Variants in ORC5 observed in about 807,000 individuals in gnomAD.
ORC5 encodes protein phosphatase 1, regulatory subunit 117.
Under a neutral mutation model 58.8 loss-of-function variants are expected in ORC5, and 39 were observed. The observed-to-expected ratio is 0.66, with a 90% CI of 0.51 to 0.87. The LOEUF is 0.87. Among genes scored for constraint, ORC5 ranks in the 40% least tolerant of loss-of-function variants. The pLI is 0.00. For missense variants in ORC5, 493 were observed against 506.3 expected, an observed-to-expected ratio of 0.97 and a Z score of 0.25; for synonymous variants, 218 against 177.6, an observed-to-expected ratio of 1.23 and a Z score of -1.81.
intron 11 of ORC5, among the ~76,000 whole-genome samples, chr7:104,164,474 G>C (rs1481128634): frequency 6.6e-6 from 1 of 152,188 alleles, no homozygotes; most frequent in Non-Finnish European, 1.5e-5. Flanking sequence ...TATTGTAGGA[G>C]TTCAAGAACA....
rs561084708 is a variant in ORC5 at position 104,126,939 on chromosome 7, T to C, written c.1263-46A>G. 25 of 1,358,640 alleles carry C rather than the reference T, an allele frequency of 1.8e-5. No homozygotes were observed. In the East Asian group the frequency reaches 4.0e-4, roughly 22 times the overall value. The allele number at this position is 1,358,640 out of a possible 1,614,324, so 84.2% of individuals were successfully genotyped here. A position where few individuals can be genotyped will look rare whatever the true frequency, so the allele number is the denominator to read the frequency against. On this transcript the variant is annotated intron_variant, in intron 13 of 13. Coordinates refer to ENST00000297431, the MANE Select transcript of ORC5 (RefSeq NM_002553.4). ...TATGTTAGCATTCTCACCCCTAGAT[T>C]GCTCAGCTTTGTATGATTCTGGAAA...
At chr7:104,189,354 T>A (rs1040708767) in intron 5 of ORC5, among the ~76,000 whole-genome samples, 3 of 152,030 alleles carry the variant, frequency 2.0e-5, no homozygotes, top group Non-Finnish European at 2.9e-5. Context: ...ACCAACAGCT[T>A]TCGTGAGAAC....
At chr7:104,163,771 G>GT (rs1259075047) in intron 11 of ORC5, among the ~76,000 whole-genome samples, 3 of 152,210 alleles carry the variant, frequency 2.0e-5, no homozygotes, top group Non-Finnish European at 2.9e-5. Flanking sequence ...GACTACAGGT[G>GT]TGAGGCACCC....
intron 8 of ORC5, among the ~76,000 whole-genome samples, chr7:104,175,112 T>C (rs1799296130): frequency 6.6e-6 from 1 of 152,226 alleles, no homozygotes; most frequent in South Asian, 2.1e-4. Flanking sequence ...AAAACTTGCC[T>C]GTCTCTCCTT....
At chr7:104,173,891 C>CT (rs1303239645) in intron 8 of ORC5, among the ~76,000 whole-genome samples, 2 of 136,078 alleles carry the variant, frequency 1.5e-5, no homozygotes, top group Non-Finnish European at 3.1e-5. Context: ...GTCGCCCAGG[C>CT]TGGAGTGCAG....
chr7:104,153,080 T>C (rs1371803768), intron 12 of ORC5, among the ~76,000 whole-genome samples: 1 of 152,196 alleles, frequency 6.6e-6, no homozygotes, highest in African/African-American at 2.4e-5. Flanking sequence ...AAACAATCTT[T>C]TATCCCTGCG....
At chr7:104,130,602 T>A (rs957969860) in intron 13 of ORC5, among the ~76,000 whole-genome samples, 1 of 152,222 alleles carries the variant, frequency 6.6e-6, no homozygotes, top group Non-Finnish European at 1.5e-5. Context: ...TCAGTCTTCC[T>A]TTCCAACCCA....
At chr7:104,194,134 CT>C (rs1270318618) in intron 5 of ORC5, among the ~76,000 whole-genome samples, 2 of 138,424 alleles carry the variant, frequency 1.4e-5, no homozygotes, top group East Asian at 4.3e-4. Flanking sequence ...TCCTTTATCA[CT>C]TTTCCTCTTA....
intron 10 of ORC5, among the ~76,000 whole-genome samples, chr7:104,166,431 G>A (rs1214123670): frequency 6.6e-6 from 1 of 152,230 alleles, no homozygotes; most frequent in Non-Finnish European, 1.5e-5. Flanking sequence ...CTCCTTCAGT[G>A]TGATGGATAA....
chr7:104,194,506 A>G (rs915542875), intron 5 of ORC5, among the ~76,000 whole-genome samples: 21 of 152,130 alleles, frequency 1.4e-4, no homozygotes, highest in African/African-American at 4.8e-4. Flanking sequence ...TGTTCTTCCA[A>G]AGACCAAAAT....
At chr7:104,139,231 C>A (rs1414239488) in intron 12 of ORC5, among the ~76,000 whole-genome samples, 2 of 152,182 alleles carry the variant, frequency 1.3e-5, no homozygotes, top group Non-Finnish European at 1.5e-5. Context: ...AAGTAAACAT[C>A]CCATGAATAA....
intron 12 of ORC5, among the ~76,000 whole-genome samples, chr7:104,151,726 G>A (rs1798850626): frequency 6.6e-6 from 1 of 152,146 alleles, no homozygotes; most frequent in African/African-American, 2.4e-5. Context: ...TGGATGGAGA[G>A]CTAGAGAATA....
Position 104,188,354 on chromosome 7 carries a change from T to C in ORC5, c.581A>G (p.Asp194Gly), listed in dbSNP as rs141373644. Residue 194 changes from aspartate to glycine, a missense_variant, in exon 6 of 14, where the codon GAT (aspartate) becomes GGT (glycine). By Grantham distance (94) the Asp-to-Gly change is moderately conservative (BLOSUM62 -1). Coordinates refer to ENST00000297431, the MANE Select transcript of ORC5 (RefSeq NM_002553.4). ...ATCAGCTGAATACTCTGGAGGATGA[T>C]CATGGGACAGGATCTTTTGAAGGTT... Reference protein sequence around the residue: ...IGNLQKILSHDHPPEYSADFY... With the variant: ...IGNLQKILSHGHPPEYSADFY... 9.8e-5 allele frequency: 158 copies of C among 1,610,760 alleles called. 1 individual carries two copies. The African/African-American group carries it at 1.8e-3, about 19-fold the overall frequency.
chr7:104,191,654 C>CA (rs1378953001), intron 5 of ORC5, among the ~76,000 whole-genome samples: 1 of 152,008 alleles, frequency 6.6e-6, no homozygotes, highest in East Asian at 1.9e-4. Flanking sequence ...ACAAAAATCT[C>CA]AGAGTATAAT....
At chr7:104,145,979 C>G (rs562453780) in intron 12 of ORC5, among the ~76,000 whole-genome samples, 2 of 152,232 alleles carry the variant, frequency 1.3e-5, no homozygotes, top group Admixed American at 1.3e-4. Context: ...CATGCTCGAA[C>G]AAGGTAAAAC....
At chr7:104,171,537 T>A (rs1039486956) in intron 8 of ORC5, among the ~76,000 whole-genome samples, 5 of 152,188 alleles carry the variant, frequency 3.3e-5, no homozygotes, top group African/African-American at 1.2e-4. Context: ...ATGAGAGGAA[T>A]CTTTAATTTC....
intron 5 of ORC5, among the ~76,000 whole-genome samples, chr7:104,193,366 CATAACTTAATCTATCCAAACT>C (rs1404236268): frequency 4.6e-5 from 7 of 151,956 alleles, no homozygotes; most frequent in Non-Finnish European, 7.4e-5. Context: ...GTTATCAGAA[CATAACTTAATCTATCCAAACT>C]GACACAATAA....
intron 8 of ORC5, among the ~76,000 whole-genome samples, chr7:104,179,185 G>C (rs1274807804): frequency 6.7e-6 from 1 of 149,590 alleles, no homozygotes; most frequent in Non-Finnish European, 1.5e-5. Flanking sequence ...CCATGCTCAA[G>C]CAATTGTCCT....
chr7:104,177,425 CAT>C (rs554826557), intron 8 of ORC5, among the ~76,000 whole-genome samples: 109 of 152,190 alleles, frequency 7.2e-4, no homozygotes, highest in Middle Eastern at 3.4e-3. Context: ...AAAAAACTGA[CAT>C]GTGACAAAAT....
Sources: allele counts gnomAD v4.1 joint callset (sites outside exome capture counted in the v4.1 genomes callset), GRCh38; gene constraint gnomAD v4.1.1; transcripts MANE v1.5; gene names NCBI Gene and HGNC (gene_info 2026-07-23, HGNC 2026-07-21).